Variants in HMCN1 observed in about 807,000 individuals in gnomAD.
HMCN1 encodes the protein hemicentin 1, also known as hemicentin-1.
HMCN1 carries 321 observed loss-of-function variants against 625.9 expected under a neutral mutation model. That is an observed-to-expected ratio of 0.51 (90% confidence interval 0.47 to 0.56). The LOEUF is 0.56. HMCN1 is among the 20% of genes least tolerant of loss of function. The pLI, the probability that HMCN1 is intolerant of heterozygous loss-of-function variation, is 0.00. For synonymous variants in HMCN1, 2,425 were observed against 2,417.6 expected, an observed-to-expected ratio of 1.00 and a Z score of -0.09; for missense variants, 6,588 against 6,887.3, an observed-to-expected ratio of 0.96 and a Z score of 1.54.
chr1:186,130,292 T>A (rs1485956068), intron 84 of HMCN1, among the ~76,000 whole-genome samples, 192 bp downstream of exon 84: 1 of 152,104 alleles, frequency 6.6e-6, no homozygotes, highest in Non-Finnish European at 1.5e-5. Context: ...AGTAAAGAGA[T>A]CATTTCACAC....
At chr1:185,993,149 T>G (rs746666320) in intron 22 of HMCN1, 33 bp from the exon 23 acceptor site, 1 of 1,602,930 alleles carries the variant, frequency 6.2e-7, no homozygotes. Flanking sequence ...ATTCTCCTCT[T>G]CCATGGTCTA....
At chr1:186,138,024 C>A in intron 89 of HMCN1, 52 bp downstream of exon 89, 1 of 1,584,152 alleles carries the variant, frequency 6.3e-7, no homozygotes, top group East Asian at 2.3e-5. Flanking sequence ...TATCTTAACC[C>A]CTATGAAAGA....
At chr1:186,047,753 T>C (rs150998073) in intron 41 of HMCN1, among the ~76,000 whole-genome samples, 280 of 152,254 alleles carry the variant, frequency 1.8e-3, no homozygotes, top group Non-Finnish European at 3.0e-3. Context: ...AGTTTCCTTA[T>C]CTGTAAAATG....
chr1:186,030,402 A>G (rs1166850494), intron 36 of HMCN1, among the ~76,000 whole-genome samples: 1 of 152,008 alleles, frequency 6.6e-6, no homozygotes, highest in Non-Finnish European at 1.5e-5. Context: ...TAATTGGTAT[A>G]TCCTGATGAA....
chr1:186,077,689 T>C (rs1238305002), intron 54 of HMCN1, among the ~76,000 whole-genome samples: 2 of 152,210 alleles, frequency 1.3e-5, no homozygotes, highest in Non-Finnish European at 2.9e-5. Flanking sequence ...TAAGAATGTA[T>C]GTAAAATAGT....
intron 15 of HMCN1, among the ~76,000 whole-genome samples, chr1:185,974,113 G>A (rs2101980034): frequency 6.6e-6 from 1 of 152,256 alleles, no homozygotes; most frequent in Non-Finnish European, 1.5e-5. Context: ...TTACAGCAAA[G>A]TTATACTGTG....
At chr1:185,950,643 T>C (rs1159664063) in intron 11 of HMCN1, among the ~76,000 whole-genome samples, 2 of 151,318 alleles carry the variant, frequency 1.3e-5, no homozygotes, top group African/African-American at 2.5e-5. Context: ...AGTGAAGTAA[T>C]GGGGGCTGTC....
chr1:185,802,255 A>G, intron 1 of HMCN1, among the ~76,000 whole-genome samples: 1 of 152,172 alleles, frequency 6.6e-6, no homozygotes, highest in South Asian at 2.1e-4. Context: ...AACCAGTAGA[A>G]AATAATCAGA....
intron 103 of HMCN1, among the ~76,000 whole-genome samples, chr1:186,176,123 C>G (rs554408081): frequency 1.3e-5 from 2 of 152,000 alleles, no homozygotes. Flanking sequence ...AGTACAGATT[C>G]CATGTGTTGA....
intron 1 of HMCN1, among the ~76,000 whole-genome samples, chr1:185,735,777 A>ATAAT (rs997956135): frequency 1.3e-5 from 2 of 152,086 alleles, no homozygotes; most frequent in African/African-American, 4.8e-5. Flanking sequence ...ATATGATCCT[A>ATAAT]TTTACTTTTT....
intron 75 of HMCN1, among the ~76,000 whole-genome samples, chr1:186,116,669 G>A (rs1251231302): frequency 6.6e-6 from 1 of 152,116 alleles, no homozygotes; most frequent in African/African-American, 2.4e-5. Flanking sequence ...GCTGTTATCA[G>A]TGTTCTCATT....
chr1:186,068,371 G>A (rs1219480478), intron 50 of HMCN1, among the ~76,000 whole-genome samples: 2 of 152,150 alleles, frequency 1.3e-5, no homozygotes, highest in Non-Finnish European at 2.9e-5. Context: ...TTCAAGGTGA[G>A]AGAGTTTGTT....
chr1:186,052,286 G>C (rs998726651), intron 42 of HMCN1, among the ~76,000 whole-genome samples: 18 of 151,956 alleles, frequency 1.2e-4, no homozygotes, highest in African/African-American at 3.4e-4. Context: ...CAGGATCTTG[G>C]AAGAACAAGC....
chr1:186,051,399 A>G (rs1025279961), intron 42 of HMCN1, among the ~76,000 whole-genome samples: 24 of 152,044 alleles, frequency 1.6e-4, no homozygotes, highest in African/African-American at 5.8e-4. Context: ...TGGACAAGTC[A>G]AGTTTGACAA....
chr1:185,878,651 G>T (rs1345502238), intron 4 of HMCN1, among the ~76,000 whole-genome samples: 2 of 152,020 alleles, frequency 1.3e-5, no homozygotes, highest in Non-Finnish European at 2.9e-5. Context: ...TTTTGTAGAG[G>T]ATTTTGGGGT....
intron 48 of HMCN1, 96 bp downstream of exon 48, chr1:186,062,696 G>A: frequency 1.3e-6 from 1 of 790,814 alleles, no homozygotes. Flanking sequence ...ATATTTAGGG[G>A]GTACAAGTGC....
At position 186,125,584 on chromosome 1, in the gene HMCN1, C is replaced by G; in HGVS notation, c.12500-20C>G. On this transcript the variant is annotated intron_variant, in intron 81 of 106. Coordinates refer to ENST00000271588, the MANE Select transcript of HMCN1 (RefSeq NM_031935.3). The stretch of plus-strand genomic sequence containing the variant: ...ATTGAACTCAGCTTCCTGGATGACT[C>G]TTTTTTAAACTCTTCATAGTACCAC... 11 of 1,598,976 alleles carry G rather than the reference C, an allele frequency of 6.9e-6. No homozygotes were observed. Among genetic ancestry groups the G allele is most frequent in the Non-Finnish European group, 9.4e-6 (11 of 1,166,478 alleles).
At chr1:185,964,894 A>G (rs1650292945) in intron 13 of HMCN1, among the ~76,000 whole-genome samples, 1 of 152,074 alleles carries the variant, frequency 6.6e-6, no homozygotes, top group Non-Finnish European at 1.5e-5. Flanking sequence ...ATTTTGGGCT[A>G]TCAGTGAAGC....
At chr1:186,186,155 G>A (rs74770412) in intron 105 of HMCN1, among the ~76,000 whole-genome samples, 6,515 of 152,168 alleles carry the variant, frequency 0.043, 215 homozygotes, top group Non-Finnish European at 0.06. Context: ...GTCTGTATTC[G>A]TTGTCAAATT....
Sources: gnomAD v4.1 joint callset for allele counts (sites outside exome capture counted in the v4.1 genomes callset) on GRCh38, gnomAD v4.1.1 for gene constraint, MANE v1.5 for transcripts, NCBI Gene and HGNC (gene_info 2026-07-23, HGNC 2026-07-21) for gene names.